Variants in RGPD1 observed in about 807,000 individuals in gnomAD.
RGPD1 encodes the protein RANBP2-like and GRIP domain-containing protein 1.
In RGPD1, 7 loss-of-function variants were observed where a neutral mutation model predicts 40.6. That is an observed-to-expected ratio of 0.17 (90% CI 0.10 to 0.32). The LOEUF is 0.32. RGPD1 is among the 10% of genes least tolerant of loss of function. The pLI, the probability that RGPD1 is intolerant of heterozygous loss-of-function variation, is 1.00. For missense variants in RGPD1, 50 were observed against 472.5 expected (o/e 0.11, Z 8.29); for synonymous variants, 24 against 167.0 (o/e 0.14, Z 6.60).
chr2:86,945,321 T>G (rs1028658591), intron 1 of RGPD1, among the ~76,000 whole-genome samples: 2 of 152,186 alleles, frequency 1.3e-5, no homozygotes, highest in Admixed American at 1.3e-4. Context: ...TGAGTAACTT[T>G]GGAACATGTG....
intron 22 of RGPD1, among the ~76,000 whole-genome samples, chr2:87,007,692 C>G (rs1265553885): frequency 2.0e-5 from 3 of 152,270 alleles, no homozygotes; most frequent in Non-Finnish European, 4.4e-5. Context: ...GGCCTTTTGC[C>G]AAGACAAATT....
chr2:86,945,673 A>C (rs565204363), intron 1 of RGPD1, among the ~76,000 whole-genome samples: 2 of 152,032 alleles, frequency 1.3e-5, no homozygotes, highest in Non-Finnish European at 2.9e-5. Context: ...TTTGGGAGGC[A>C]GAGAGACCAG....
At chr2:87,009,157 T>C (rs1373149946) in intron 22 of RGPD1, among the ~76,000 whole-genome samples, 3 of 44,108 alleles carry the variant, frequency 6.8e-5, no homozygotes, top group Admixed American at 2.8e-4. Flanking sequence ...TACAAAAAAT[T>C]AGCGGGGCGT....
rs1187437755 is a variant in RGPD1, at chr2:86,960,504, C to G, written c.779+2077C>G. ...CCTCCCAAAGTGTTGGGATTACAGG[C>G]GTGAGCCACCGCGCTCAGCCCACAC... On this transcript the variant is annotated intron_variant, in intron 6 of 22. Transcript: ENST00000641458. 2.9e-4 allele frequency among the ~76,000 whole-genome samples: 28 copies of G among 97,792 alleles called. 1 individual carries two copies. In the South Asian group the frequency reaches 3.8e-3, roughly 13 times the overall value. The allele number at this position is 97,792 out of a possible 152,430, so 64.2% of individuals were successfully genotyped here.
intron 1 of RGPD1, among the ~76,000 whole-genome samples, chr2:86,942,654 GC>G (rs1679953162): frequency 2.9e-5 from 4 of 136,882 alleles, no homozygotes; most frequent in Non-Finnish European, 6.3e-5. Flanking sequence ...CCTCGACCTG[GC>G]CGGGCGGCGG....
intron 22 of RGPD1, among the ~76,000 whole-genome samples, chr2:87,003,405 CAGAA>C (rs1422642166): frequency 4.3e-5 from 6 of 140,154 alleles, no homozygotes; most frequent in Admixed American, 1.4e-4. Context: ...TATGAAAACA[CAGAA>C]AGGTGTCTGG....
chr2:86,926,753 G>A (rs1558787339), intron 1 of RGPD1, among the ~76,000 whole-genome samples: 1 of 152,188 alleles, frequency 6.6e-6, no homozygotes, highest in Admixed American at 6.5e-5. Context: ...GTTAATTAAG[G>A]TAGTATTACA....
intron 22 of RGPD1, among the ~76,000 whole-genome samples, chr2:87,000,333 T>C: frequency 7.8e-6 from 1 of 127,474 alleles, no homozygotes; most frequent in Non-Finnish European, 1.6e-5. Flanking sequence ...ATGTTTAATG[T>C]AGACGTTGCT....
intron 1 of RGPD1, among the ~76,000 whole-genome samples, chr2:86,944,103 A>G (rs1192176079): frequency 6.6e-6 from 1 of 152,192 alleles, no homozygotes; most frequent in Admixed American, 6.5e-5. Context: ...AACTAAGCAT[A>G]CGTTATCTTA....
At chr2:86,926,758 A>G (rs2104691999) in intron 1 of RGPD1, among the ~76,000 whole-genome samples, 1 of 152,348 alleles carries the variant, frequency 6.6e-6, no homozygotes. Context: ...TTAAGGTAGT[A>G]TTACAAGGTT....
chr2:86,924,451 G>C (rs1415606924), intron 1 of RGPD1, among the ~76,000 whole-genome samples: 4 of 149,946 alleles, frequency 2.7e-5, no homozygotes, highest in Admixed American at 1.3e-4. Context: ...CACCATGCCC[G>C]GCCCGTGGAC....
chr2:86,942,768 C>T (rs1389161104), intron 1 of RGPD1, among the ~76,000 whole-genome samples: 1 of 151,444 alleles, frequency 6.6e-6, no homozygotes, highest in Non-Finnish European at 1.5e-5. Context: ...CTCCCTGGCG[C>T]GCTCTGTTGA....
chr2:86,919,983 GTT>G (rs1678024250), intron 1 of RGPD1, among the ~76,000 whole-genome samples: 1 of 151,710 alleles, frequency 6.6e-6, no homozygotes, highest in African/African-American at 2.4e-5. Context: ...GTTTTTAAGA[GTT>G]TGTGTCTATT....
intron 1 of RGPD1, among the ~76,000 whole-genome samples, chr2:86,942,852 C>T (rs889433055): frequency 6.6e-6 from 1 of 151,980 alleles, no homozygotes; most frequent in African/African-American, 2.4e-5. Context: ...GGGGGGACCG[C>T]GGTGGGCGGG....
chr2:86,915,049 A>G (rs1234269589), intron 1 of RGPD1, among the ~76,000 whole-genome samples: 1 of 149,716 alleles, frequency 6.7e-6, no homozygotes, highest in Non-Finnish European at 1.5e-5. Flanking sequence ...TAATCCCAAC[A>G]TTTTGTGAGA....
intron 1 of RGPD1, among the ~76,000 whole-genome samples, chr2:86,915,436 T>C (rs1677750897): frequency 7.3e-6 from 1 of 136,902 alleles, no homozygotes; most frequent in Admixed American, 7.5e-5. Context: ...CAAGGCCAGG[T>C]ACCTAGAAGT....
chr2:86,930,717 G>A lies in RGPD1; in HGVS notation c.72+16796G>A, dbSNP rs1273668650. On this transcript the variant is annotated intron_variant, in intron 1 of 22. Transcript: ENST00000398193. ...TTGCGGCGCCCGAAGTGCCCCCCAG[G>A]CCTCCTCGCTGCCGTTCCCGCTGCT... The A allele has an allele frequency of 2.6e-6, 4 of 1,552,898 alleles. No individual in the cohort carries two copies. The East Asian group carries it at 9.4e-5, about 37-fold the overall frequency.
intron 20 of RGPD1, among the ~76,000 whole-genome samples, chr2:86,993,201 A>C (rs1681694948): frequency 6.6e-6 from 1 of 152,140 alleles, no homozygotes; most frequent in Admixed American, 6.5e-5. Flanking sequence ...CCTTCGAGAA[A>C]GGAGAAACAC....
At chr2:87,007,408 C>T (rs1682093661) in intron 22 of RGPD1, among the ~76,000 whole-genome samples, 2 of 152,310 alleles carry the variant, frequency 1.3e-5, no homozygotes, top group South Asian at 4.1e-4. Context: ...TTGAGACAGT[C>T]TCGCTGTTTC....
Sources: allele counts gnomAD v4.1 joint callset (sites outside exome capture counted in the v4.1 genomes callset), GRCh38; gene constraint gnomAD v4.1.1; transcripts MANE v1.5; gene names NCBI Gene and HGNC (gene_info 2026-07-23, HGNC 2026-07-21).